The following EIF4A2 variants were observed in gnomAD, a reference collection of about 807,000 sequenced individuals.
EIF4A2 encodes eukaryotic translation initiation factor 4A2, also known as eukaryotic initiation factor 4A-II.
Under a neutral mutation model 50.6 loss-of-function variants are expected in EIF4A2, and 9 were observed. The observed-to-expected ratio is 0.18, with a 90% CI of 0.11 to 0.31. EIF4A2 has a LOEUF of 0.31. Ranked by LOEUF, EIF4A2 falls within the 10% of genes least tolerant of loss-of-function variation. The pLI, the probability that EIF4A2 is intolerant of heterozygous loss-of-function variation, is 1.00. For synonymous variants in EIF4A2, 215 were observed against 164.4 expected (o/e 1.31, Z -2.35); for missense variants, 182 against 501.8 (o/e 0.36, Z 6.09).
chr3:186,785,539 C>T (rs1501301), intron 4 of EIF4A2: 135 of 302,002 alleles, frequency 4.5e-4, no homozygotes, highest in African/African-American at 2.6e-3. Flanking sequence ...AGGCACAATA[C>T]CCTCTGGGGG....
At chr3:186,787,632 G>T (rs780147325) in intron 9 of EIF4A2, 48 bp downstream of exon 9, 21 of 1,611,324 alleles carry the variant, frequency 1.3e-5, no homozygotes, top group Non-Finnish European at 1.8e-5. Context: ...TTAGCTTTTT[G>T]GGGGGCAGGT....
rs369580578 is a variant in EIF4A2 at position 186,783,605 on chromosome 3, C to A, written c.-6C>A. On this transcript the variant is annotated 5_prime_UTR_variant, in exon 1 of 11. Coordinates refer to ENST00000323963, the MANE Select transcript of EIF4A2 (RefSeq NM_001967.4). ...TTCAGTCGGGCGCTGAGTGGTTTTT[C>A]GGATCATGTCTGGTGGCTCCGCGGA... The A allele has an allele frequency of 1.2e-6, 2 of 1,614,086 alleles. No homozygotes were observed. The highest frequency in any genetic ancestry group is 1.3e-5 in the African/African-American group (1 of 75,032).
At position 186,787,627 on chromosome 3, in the gene EIF4A2, T is replaced by A. The variant is rs753777142; in HGVS notation, c.999+43T>A. On this transcript the variant is annotated intron_variant, in intron 9 of 10. Coordinates refer to ENST00000323963, the MANE Select transcript of EIF4A2 (RefSeq NM_001967.4). Reference sequence around the variant, plus strand: ...TTTTAAAAATCTACCAAAAGTTAGCTTTTTGGGGGGCAGGTTTTTAAGTAA... The same window carrying A: ...TTTTAAAAATCTACCAAAAGTTAGCATTTTGGGGGGCAGGTTTTTAAGTAA... 5.1e-5 allele frequency: 83 copies of A among 1,612,144 alleles called. 2 individuals are homozygous for A. The South Asian group carries it at 5.9e-4, about 12-fold the overall frequency.
intron 1 of EIF4A2, 140 bp downstream of exon 1, chr3:186,783,779 G>C (rs1191580360): frequency 7.3e-7 from 1 of 1,370,314 alleles, no homozygotes; most frequent in Non-Finnish European, 1.0e-6. Flanking sequence ...CCTTCCAGAA[G>C]CTTCCATGAT....
At position 186,789,694 on chromosome 3, in the gene EIF4A2, AT is replaced by A. The variant is rs1203207095; in HGVS notation, c.*432del. 7 of 376,060 alleles carry A rather than the reference AT, an allele frequency of 1.9e-5. No homozygotes were observed. Among genetic ancestry groups the A allele is most frequent in the African/African-American group, 4.2e-5 (2 of 47,928 alleles). The allele number at this position is 376,060 out of a possible 1,614,324, so 23.3% of individuals were successfully genotyped here. On this transcript the variant is annotated 3_prime_UTR_variant, in exon 11 of 11. Coordinates refer to ENST00000323963, the MANE Select transcript of EIF4A2 (RefSeq NM_001967.4). ...TAGCCTGAGTAGAAAGGCCTTTAAA[AT>A]TTTTTTAGAAAGCATTTGAATGCAT...
At chr3:186,786,458 A>G in intron 6 of EIF4A2, 44 bp from the exon 7 acceptor site, 3 of 1,602,258 alleles carry the variant, frequency 1.9e-6, no homozygotes, top group Non-Finnish European at 1.7e-6. Context: ...TCCTTTGGGT[A>G]TTAATGTGTA....
chr3:186,788,073 G>A (rs1721860127), intron 10 of EIF4A2, 191 bp downstream of exon 10: 1 of 742,078 alleles, frequency 1.3e-6, no homozygotes, highest in Non-Finnish European at 2.1e-6. Context: ...ACATTGCCCA[G>A]ATTGTGGACA....
Position 186,786,657 on chromosome 3 carries a change from A to T in EIF4A2, c.771+12A>T, listed in dbSNP as rs1210030662. 6.2e-7 allele frequency: 1 copy of T among 1,613,844 alleles called. No homozygotes were observed. Among genetic ancestry groups the T allele is most frequent in the Non-Finnish European group, 8.5e-7 (1 of 1,179,818 alleles). On this transcript the variant is annotated intron_variant, in intron 7 of 10. Coordinates refer to ENST00000323963, the MANE Select transcript of EIF4A2 (RefSeq NM_001967.4). ...ATGTTGAGAGAGAGGTAACTGTCTG[A>T]TTGTTAGACATTATTTTACCTTCTT...
chr3:186,787,995 T>C, intron 10 of EIF4A2, 113 bp downstream of exon 10: 1 of 1,127,698 alleles, frequency 8.9e-7, no homozygotes, highest in Admixed American at 2.4e-5. Context: ...TCAGTAGTGT[T>C]CAGTAAGATG....
rs1722012925 is a variant in EIF4A2 at position 186,789,865 on chromosome 3, T to A, written c.*596T>A. On this transcript the variant is annotated 3_prime_UTR_variant, in exon 11 of 11. Coordinates refer to ENST00000323963, the MANE Select transcript of EIF4A2 (RefSeq NM_001967.4). ...ATATTGCACATGTCTTAATGAAGTT[T>A]GAATGTTAAATAAATTGTATATTCA... 1 of 768,598 alleles carries A rather than the reference T, an allele frequency of 1.3e-6. No homozygotes were observed. Among genetic ancestry groups the A allele is most frequent in the East Asian group, 2.7e-5 (1 of 37,270 alleles). 47.6% of individuals were successfully genotyped at this position (768,598 alleles called of 1,614,324 possible).
intron 7 of EIF4A2, 124 bp from the exon 8 acceptor site, chr3:186,787,003 A>C (rs1403896647): frequency 2.9e-6 from 4 of 1,384,654 alleles, no homozygotes; most frequent in Non-Finnish European, 4.0e-6. Flanking sequence ...TCTGGGCTCT[A>C]AGTGCTAGGA....
chr3:186,784,680 T>C lies in EIF4A2; in HGVS notation c.192T>C (p.Ile64=). 1.2e-6 allele frequency: 2 copies of C among 1,614,112 alleles called. No homozygotes were observed. Among genetic ancestry groups the C allele is most frequent in the Middle Eastern group, 1.6e-4 (1 of 6,062 alleles). ...CTTCCGCTATTCAGCAGAGAGCTAT[T>C]ATTCCCTGTATTAAAGGTAAAAGAA... is the stretch of plus-strand genomic sequence containing the variant. The part of the protein sequence containing the change: ...EKPSAIQQRA[I]IPCIKGYDVI... Residue 64 remains isoleucine (I), a synonymous_variant, in exon 3 of 11, where the codon ATT becomes ATC. Transcript: ENST00000323963.
At position 186,789,221 on chromosome 3, in the gene EIF4A2, CAAT is replaced by C; in HGVS notation, c.1178_1180del (p.Asn393del). On this transcript the variant is annotated inframe_deletion, in exon 11 of 11. Transcript: ENST00000323963. ...TTCTTCGTGACATTGAGACTTTCTA[CAAT>C]ACTACAGTGGAGGAGATGCCCATGA... is the stretch of plus-strand genomic sequence containing the variant. 1 of 1,613,008 alleles carries C rather than the reference CAAT, an allele frequency of 6.2e-7. No homozygotes were observed. Among genetic ancestry groups the C allele is most frequent in the Non-Finnish European group, 8.5e-7 (1 of 1,179,722 alleles).
intron 8 of EIF4A2, 30 bp from the exon 9 acceptor site, chr3:186,787,465 A>AT: frequency 1.9e-6 from 3 of 1,612,322 alleles, no homozygotes; most frequent in South Asian, 1.1e-5. Flanking sequence ...CTGACTGGTG[A>AT]TTCTTGAATT....
intron 10 of EIF4A2, chr3:186,788,882 TAATG>T (rs1184909395): frequency 7.1e-5 from 34 of 477,536 alleles, no homozygotes; most frequent in Non-Finnish European, 1.1e-4. Flanking sequence ...TGCTTTATAA[TAATG>T]CTCAAGATGC....
rs747986844 is a variant in EIF4A2 at position 186,786,011 on chromosome 3, A to G, written c.477A>G (p.Thr159=). The G allele has an allele frequency of 3.7e-6, 6 of 1,611,866 alleles. No homozygotes were observed. In the African/African-American group the frequency reaches 6.7e-5, roughly 18 times the overall value. The change falls in exon 5 of 11, where the codon ACA becomes ACG. Residue 159 remains threonine (T), a synonymous_variant. Transcript: ENST00000323963. ...AAGCACCACATATTGTTGTTGGTAC[A>G]CCCGGGAGAGTGTTTGATATGTTAA... ...QAEAPHIVVG[T]PGRVFDMLNR...
Position 186,789,505 on chromosome 3 carries a change from A to G in EIF4A2, c.*236A>G. ...GGTGGGTATAAAAGATGGGGTCTGT[A>G]AAATCTTTCTTTCTTAGAAATTTAT... is the stretch of plus-strand genomic sequence containing the variant. On this transcript the variant is annotated 3_prime_UTR_variant, in exon 11 of 11. Coordinates refer to ENST00000323963, the MANE Select transcript of EIF4A2 (RefSeq NM_001967.4). The G allele has an allele frequency of 4.8e-6, 2 of 418,182 alleles. No individual in the cohort carries two copies. The highest frequency in any genetic ancestry group is 3.8e-5 in the East Asian group (1 of 26,368). The allele number at this position is 418,182 out of a possible 1,614,324, so 25.9% of individuals were successfully genotyped here. A position where few individuals can be genotyped will look rare whatever the true frequency, so the allele number is the denominator to read the frequency against.
chr3:186,784,433 G>GAAC lies in EIF4A2; in HGVS notation c.33_35dup (p.Glu11_His12insGln). On this transcript the variant is annotated inframe_insertion and splice_region_variant, in exon 2 of 11. Coordinates refer to ENST00000323963, the MANE Select transcript of EIF4A2 (RefSeq NM_001967.4). ...TGACTGCAGTATTCTTGTCAGCAGA[G>GAAC]AACATGGCGGCCCAGAGGGAATGGA... 6.2e-7 allele frequency: 1 copy of GAAC among 1,614,224 alleles called. No individual in the cohort carries two copies. Among genetic ancestry groups the GAAC allele is most frequent in the Non-Finnish European group, 8.5e-7 (1 of 1,180,044 alleles).
chr3:186,788,167 A>AT (rs1161350098), intron 10 of EIF4A2: 13 of 733,630 alleles, frequency 1.8e-5, no homozygotes, highest in Admixed American at 1.3e-4. Flanking sequence ...TTTCTTGGTG[A>AT]TTTTTTCTAT....
Sources: allele counts gnomAD v4.1 joint callset, GRCh38; gene constraint gnomAD v4.1.1; transcripts MANE v1.5; gene names NCBI Gene and HGNC (gene_info 2026-07-23, HGNC 2026-07-21).